The following ARSK variants were observed in gnomAD, a reference collection of about 807,000 sequenced individuals.
ARSK encodes the protein arylsulfatase K.
A neutral mutation model predicts 53.2 loss-of-function variants in ARSK; 37 were observed. That is an observed-to-expected ratio of 0.70 (90% CI 0.54 to 0.92). The LOEUF is 0.92. Ranked by LOEUF, ARSK falls within the 40% of genes least tolerant of loss-of-function variation. The pLI is 0.00. For synonymous variants in ARSK, 208 were observed against 223.2 expected (o/e 0.93, Z 0.61); for missense variants, 613 against 643.0 (o/e 0.95, Z 0.51).
chr5:95,595,352 T>C (rs1749290503), intron 6 of ARSK, among the ~76,000 whole-genome samples: 1 of 152,192 alleles, frequency 6.6e-6, no homozygotes, highest in East Asian at 1.9e-4. Context: ...AAAAAATACA[T>C]AAATCATTCT....
At chr5:95,600,236 TG>T (rs2112450356) in intron 6 of ARSK, among the ~76,000 whole-genome samples, 2 of 152,346 alleles carry the variant, frequency 1.3e-5, no homozygotes, top group South Asian at 4.1e-4. Flanking sequence ...TACTTGAGAA[TG>T]TAAAAAGCTC....
intron 4 of ARSK, among the ~76,000 whole-genome samples, chr5:95,583,613 G>T (rs1039068271): frequency 7.9e-5 from 12 of 151,852 alleles, no homozygotes; most frequent in African/African-American, 2.7e-4. Context: ...GTTACTTTTT[G>T]TTAAAAATTG....
intron 5 of ARSK, among the ~76,000 whole-genome samples, chr5:95,590,082 A>G (rs1472671394): frequency 1.3e-5 from 2 of 152,244 alleles, no homozygotes. Context: ...TTGTGACTAC[A>G]GTAATATGCA....
intron 7 of ARSK, among the ~76,000 whole-genome samples, chr5:95,601,883 G>C (rs1204543408): frequency 2.6e-5 from 4 of 152,090 alleles, no homozygotes; most frequent in Non-Finnish European, 5.9e-5. Context: ...TGAGTAATGG[G>C]CATCTCTTGC....
Position 95,596,052 on chromosome 5 carries a change from C to T in ARSK, c.1096+4427C>T, listed in dbSNP as rs564291684. On this transcript the variant is annotated intron_variant, in intron 6 of 7. Transcript: ENST00000380009. ...CATTAACAGGCAGAAACTGAGGCTA[C>T]TCTTTATTTAACAGCCTTAGGAGCC... 2.0e-5 allele frequency among the ~76,000 whole-genome samples: 3 copies of T among 152,290 alleles called. No individual in the cohort carries two copies. In the South Asian group the frequency reaches 6.2e-4, roughly 32 times the overall value.
chr5:95,564,935 T>C (rs150885998), intron 1 of ARSK, among the ~76,000 whole-genome samples: 31 of 152,328 alleles, frequency 2.0e-4, no homozygotes, highest in African/African-American at 6.7e-4. Context: ...TCCCAAGTTT[T>C]ATTTCGCCAA....
chr5:95,570,487 A>G (rs1035774186), intron 3 of ARSK, among the ~76,000 whole-genome samples: 1 of 152,144 alleles, frequency 6.6e-6, no homozygotes, highest in Non-Finnish European at 1.5e-5. Flanking sequence ...CCTGCTCACT[A>G]TCCTTGTAAC....
At chr5:95,596,080 C>T (rs1422751648) in intron 6 of ARSK, among the ~76,000 whole-genome samples, 1 of 152,100 alleles carries the variant, frequency 6.6e-6, no homozygotes, top group Admixed American at 6.5e-5. Context: ...TAGGAGCCAA[C>T]AAAACAAAGA....
chr5:95,556,171 GTGTT>G (rs1409702753), intron 1 of ARSK: 1 of 702,068 alleles, frequency 1.4e-6, no homozygotes, highest in African/African-American at 1.7e-5. Context: ...GCACTAAAGA[GTGTT>G]TGTAATCATA....
rs773119948 is a variant in ARSK, at chr5:95,567,903, C to A, written c.270C>A (p.Gly90=). Reference sequence around the variant, plus strand: ...TTTTTTTCTCAGCAATGTGGAGTGGCCTCTTCACTCACTTAACAGAATCTT... The same window carrying A: ...TTTTTTTCTCAGCAATGTGGAGTGGACTCTTCACTCACTTAACAGAATCTT... ...CCPSRAAMWS[G]LFTHLTESWN... is the part of the protein sequence containing the mutation. The change falls in exon 3 of 8, where the codon GGC becomes GGA. Residue 90 remains glycine, a synonymous_variant. Transcript: ENST00000380009. 1.2e-6 allele frequency: 2 copies of A among 1,606,242 alleles called. No homozygotes were observed. The highest frequency in any genetic ancestry group is 4.5e-5 in the East Asian group (2 of 44,762).
chr5:95,602,786 A>G (rs1305159597), intron 7 of ARSK, among the ~76,000 whole-genome samples: 1 of 152,240 alleles, frequency 6.6e-6, no homozygotes, highest in Non-Finnish European at 1.5e-5. Flanking sequence ...AGATACTAAT[A>G]TATAAAGAAA....
At chr5:95,565,970 A>G (rs180767468) in intron 1 of ARSK, 28 bp from the exon 2 acceptor site, 32,438 of 1,580,392 alleles carry the variant, frequency 0.021, 385 homozygotes, top group Non-Finnish European at 0.024. Flanking sequence ...TAATGTAATC[A>G]ATGCTAATTA....
intron 6 of ARSK, among the ~76,000 whole-genome samples, chr5:95,596,947 AGTG>A (rs1420919768): frequency 1.4e-4 from 21 of 152,180 alleles, no homozygotes; most frequent in African/African-American, 5.1e-4. Flanking sequence ...TTCTATCACT[AGTG>A]TGATAGGATA....
At position 95,603,475 on chromosome 5, in the gene ARSK, A is replaced by G. The variant is rs1255719119; in HGVS notation, c.1560A>G (p.Glu520=). ...GGCAGAAGGAACCAAGGAAGTATGAAAATGCAATTGATCAGTGGCTTAAAA... is the reference window on the plus strand; with the variant it reads ...GGCAGAAGGAACCAAGGAAGTATGAGAATGCAATTGATCAGTGGCTTAAAA... ...QDWQKEPRKY[E]NAIDQWLKTH... The change falls in exon 8 of 8, where the codon GAA becomes GAG. Residue 520 remains glutamate (E), a synonymous_variant. Transcript: ENST00000380009. 1 of 1,612,694 alleles carries G rather than the reference A, an allele frequency of 6.2e-7. No individual in the cohort carries two copies. The highest frequency in any genetic ancestry group is 8.5e-7 in the Non-Finnish European group (1 of 1,179,674).
chr5:95,583,910 A>G (rs1749064123), intron 4 of ARSK, among the ~76,000 whole-genome samples: 1 of 152,192 alleles, frequency 6.6e-6, no homozygotes, highest in African/African-American at 2.4e-5. Flanking sequence ...TTTTGCCAAT[A>G]TCGCTTTCTG....
chr5:95,564,531 T>G (rs573284865), intron 1 of ARSK, among the ~76,000 whole-genome samples: 1 of 152,184 alleles, frequency 6.6e-6, no homozygotes, highest in African/African-American at 2.4e-5. Context: ...TTTTCTTTTT[T>G]CCCCCTGCTG....
At chr5:95,592,478 G>C (rs964059139) in intron 6 of ARSK, among the ~76,000 whole-genome samples, 21 of 152,182 alleles carry the variant, frequency 1.4e-4, no homozygotes, top group Non-Finnish European at 2.8e-4. Flanking sequence ...ATTTAAACCA[G>C]CGTCCTTTCC....
At chr5:95,598,086 G>A (rs79152819) in intron 6 of ARSK, among the ~76,000 whole-genome samples, 5 of 152,030 alleles carry the variant, frequency 3.3e-5, no homozygotes, top group African/African-American at 1.2e-4. Context: ...TACTGATATG[G>A]TCAGGAAGAA....
At chr5:95,589,443 G>A (rs1321878619) in intron 5 of ARSK, among the ~76,000 whole-genome samples, 1 of 152,008 alleles carries the variant, frequency 6.6e-6, no homozygotes, top group Non-Finnish European at 1.5e-5. Flanking sequence ...TCCCTTCCCT[G>A]GCAGGCCCCA....
Sources: gnomAD v4.1 joint callset for allele counts (sites outside exome capture counted in the v4.1 genomes callset) on GRCh38, gnomAD v4.1.1 for gene constraint, MANE v1.5 for transcripts, NCBI Gene and HGNC (gene_info 2026-07-23, HGNC 2026-07-21) for gene names.